The following GALNT2 variants were observed in gnomAD, a reference collection of about 807,000 sequenced individuals.
GALNT2 encodes the protein polypeptide N-acetylgalactosaminyltransferase 2.
Under a neutral mutation model 81.4 loss-of-function variants are expected in GALNT2, and 31 were observed. That is an observed-to-expected ratio of 0.38 (90% confidence interval 0.29 to 0.51). The LOEUF (loss-of-function observed/expected upper bound fraction) is 0.51. Among genes scored for constraint, GALNT2 ranks in the 20% least tolerant of loss-of-function variants. GALNT2 has a pLI of 0.87. For synonymous variants in GALNT2, 303 were observed against 287.4 expected (o/e 1.05, Z -0.55); for missense variants, 629 against 765.7 (o/e 0.82, Z 2.11).
At chr1:230,079,251 G>C (rs1354777530) in intron 1 of GALNT2, among the ~76,000 whole-genome samples, 2 of 152,256 alleles carry the variant, frequency 1.3e-5, no homozygotes, top group Admixed American at 1.3e-4. Context: ...CGTATCTTCT[G>C]TAAGGTATAA....
At chr1:230,111,139 G>A (rs880329) in intron 1 of GALNT2, among the ~76,000 whole-genome samples, 65,264 of 152,120 alleles carry the variant, frequency 0.43, 14,008 homozygotes, top group South Asian at 0.53. Flanking sequence ...TGGCACATGC[G>A]TATCTGTGCA....
intron 1 of GALNT2, among the ~76,000 whole-genome samples, chr1:230,128,616 G>T (rs1005658949): frequency 6.0e-5 from 9 of 149,842 alleles, no homozygotes; most frequent in Non-Finnish European, 1.2e-4. Context: ...GGGTGTGTGT[G>T]TGGCGGGGGC....
At chr1:230,130,081 C>T (rs1558098629) in intron 1 of GALNT2, among the ~76,000 whole-genome samples, 1 of 152,224 alleles carries the variant, frequency 6.6e-6, no homozygotes, top group Non-Finnish European at 1.5e-5. Context: ...CCTCTCTTGT[C>T]TCTGAAGCTT....
At chr1:230,105,423 C>T (rs1042533539) in intron 1 of GALNT2, among the ~76,000 whole-genome samples, 1 of 152,178 alleles carries the variant, frequency 6.6e-6, no homozygotes, top group African/African-American at 2.4e-5. Context: ...CATGTTTTAA[C>T]ATGTCTGAAA....
At chr1:230,149,280 C>A (rs957978188) in intron 1 of GALNT2, among the ~76,000 whole-genome samples, 1 of 152,072 alleles carries the variant, frequency 6.6e-6, no homozygotes, top group Non-Finnish European at 1.5e-5. Flanking sequence ...TCTCCTGGAG[C>A]GGGTGGGAGG....
intron 1 of GALNT2, among the ~76,000 whole-genome samples, chr1:230,122,959 C>G (rs1194867112): frequency 1.3e-5 from 2 of 152,102 alleles, no homozygotes; most frequent in East Asian, 3.8e-4. Context: ...TTGCTTGGGG[C>G]TACATTGAGT....
At chr1:230,194,574 G>T (rs1231461977) in intron 2 of GALNT2, among the ~76,000 whole-genome samples, 1 of 152,246 alleles carries the variant, frequency 6.6e-6, no homozygotes, top group Non-Finnish European at 1.5e-5. Context: ...TCAGTCCAAA[G>T]GTAATGGACA....
intron 3 of GALNT2, among the ~76,000 whole-genome samples, chr1:230,229,182 T>C (rs1198309720): frequency 1.3e-5 from 2 of 152,146 alleles, no homozygotes; most frequent in Admixed American, 1.3e-4. Flanking sequence ...GCCACAGAGA[T>C]TTTTGCAATG....
chr1:230,184,693 A>G (rs1044852775), intron 2 of GALNT2, among the ~76,000 whole-genome samples: 9 of 152,050 alleles, frequency 5.9e-5, no homozygotes, highest in African/African-American at 2.2e-4. Flanking sequence ...CAATTTGAAT[A>G]TGATATGCCT....
upstream of GALNT2, among the ~76,000 whole-genome samples, chr1:230,066,012 T>A (rs1450386483): frequency 1.3e-5 from 2 of 152,248 alleles, no homozygotes; most frequent in African/African-American, 4.8e-5. Flanking sequence ...TTCACTTAAG[T>A]CCTTGGCAAT....
chr1:230,269,812 G>C (rs1420346036), intron 14 of GALNT2, among the ~76,000 whole-genome samples: 1 of 152,078 alleles, frequency 6.6e-6, no homozygotes, highest in Non-Finnish European at 1.5e-5. Flanking sequence ...TGGGAGGATT[G>C]CTAAAGCCCA....
chr1:230,235,231 A>C (rs1434469816), intron 3 of GALNT2, among the ~76,000 whole-genome samples: 1 of 151,704 alleles, frequency 6.6e-6, no homozygotes, highest in African/African-American at 2.4e-5. Context: ...AAAAAAAAAA[A>C]AAAAAAGCTA....
At chr1:230,067,185 C>T (rs1158384171), upstream of GALNT2, 5 of 724,982 alleles carry the variant, frequency 6.9e-6, no homozygotes, top group South Asian at 1.2e-4. Context: ...CGCCCTTCCC[C>T]TTCCTCCGCT....
intron 1 of GALNT2, among the ~76,000 whole-genome samples, chr1:230,168,602 T>G (rs72651066): frequency 8.2e-4 from 125 of 152,382 alleles, no homozygotes; most frequent in Non-Finnish European, 1.3e-3. Flanking sequence ...AATACATGAT[T>G]GACGGATGTT....
intron 6 of GALNT2, among the ~76,000 whole-genome samples, chr1:230,238,864 A>G (rs1368170567): frequency 2.0e-5 from 3 of 152,172 alleles, no homozygotes; most frequent in Non-Finnish European, 2.9e-5. Context: ...ATAAAACAAG[A>G]TGGAAAGTGT....
At chr1:230,166,737 C>T (rs2102852832) in intron 1 of GALNT2, among the ~76,000 whole-genome samples, 1 of 152,318 alleles carries the variant, frequency 6.6e-6, no homozygotes, top group Admixed American at 6.5e-5. Context: ...AAATCCAGAT[C>T]TAATTCTAAT....
chr1:230,078,139 G>A (rs1659619402), intron 1 of GALNT2, among the ~76,000 whole-genome samples: 1 of 152,198 alleles, frequency 6.6e-6, no homozygotes, highest in Non-Finnish European at 1.5e-5. Flanking sequence ...TTTCTCGTGT[G>A]TCACATTGCA....
chr1:230,276,121 C>T (rs1666301847), intron 15 of GALNT2, among the ~76,000 whole-genome samples: 1 of 151,162 alleles, frequency 6.6e-6, no homozygotes, highest in Admixed American at 6.6e-5. Context: ...ATATAGACAC[C>T]ACAGATATAT....
chr1:230,210,971 T>C (rs1397511194), intron 3 of GALNT2, among the ~76,000 whole-genome samples: 3 of 152,202 alleles, frequency 2.0e-5, no homozygotes, highest in African/African-American at 7.2e-5. Context: ...TCAGCCAGCT[T>C]GGAGGGAGGC....
Sources: allele counts gnomAD v4.1 joint callset (sites outside exome capture counted in the v4.1 genomes callset), GRCh38; gene constraint gnomAD v4.1.1; transcripts MANE v1.5; gene names NCBI Gene and HGNC (gene_info 2026-07-23, HGNC 2026-07-21).